GIGYF2: variants seen among roughly 807,000 people sequenced by gnomAD.
GIGYF2 encodes GRB10-interacting GYF protein 2.
Under a neutral mutation model 208.1 loss-of-function variants are expected in GIGYF2, and 25 were observed. That is an observed-to-expected ratio of 0.12 (90% CI 0.09 to 0.17). The LOEUF (loss-of-function observed/expected upper bound fraction) is 0.17, where lower values mean the gene tolerates loss of function less well. Ranked by LOEUF, GIGYF2 falls within the 10% of genes least tolerant of loss-of-function variation. The pLI, the probability that GIGYF2 is intolerant of heterozygous loss-of-function variation, is 1.00. For synonymous variants in GIGYF2, 534 were observed against 543.8 expected, an observed-to-expected ratio of 0.98 and a Z score of 0.25; for missense variants, 1,302 against 1,579.4, an observed-to-expected ratio of 0.82 and a Z score of 2.98.
chr2:232,848,922 GAATC>G (rs1690186238), intron 27 of GIGYF2, among the ~76,000 whole-genome samples: 1 of 152,150 alleles, frequency 6.6e-6, no homozygotes. Context: ...GAATCTGTGA[GAATC>G]AATTCTACAA....
chr2:232,701,985 AC>A (rs1295305768), intron 1 of GIGYF2, among the ~76,000 whole-genome samples: 1 of 151,478 alleles, frequency 6.6e-6, no homozygotes, highest in Middle Eastern at 3.2e-3. Context: ...ACAGAGAGAG[AC>A]CCCCATCTCT....
rs376657197 is a variant in GIGYF2, at chr2:232,747,566, G to T, written c.42-49G>T. On this transcript the variant is annotated intron_variant, in intron 3 of 28. Transcript: ENST00000373563. Reference sequence around the variant, plus strand: ...TTTTTGACAGTGTATAGTATAAAAAGTCTGTAGCACCAGAATGTTTGACAT... The same window carrying T: ...TTTTTGACAGTGTATAGTATAAAAATTCTGTAGCACCAGAATGTTTGACAT... 53 of 1,609,702 alleles carry T rather than the reference G, an allele frequency of 3.3e-5. No individual in the cohort carries two copies. In the African/African-American group the frequency reaches 6.8e-4, roughly 21 times the overall value.
intron 28 of GIGYF2, among the ~76,000 whole-genome samples, chr2:232,852,852 G>T (rs1459196170): frequency 6.6e-6 from 1 of 152,202 alleles, no homozygotes; most frequent in African/African-American, 2.4e-5. Flanking sequence ...AGGTCAGACC[G>T]TTTGGACTTA....
rs1690674089 is a variant in GIGYF2, at chr2:232,858,943, A to T, written c.*2083A>T. 1 of 162,998 alleles carries T rather than the reference A, an allele frequency of 6.1e-6. No individual in the cohort carries two copies. Among genetic ancestry groups the T allele is most frequent in the Admixed American group, 6.2e-5 (1 of 16,124 alleles). The allele number at this position is 162,998 out of a possible 1,614,324, so 10.1% of individuals were successfully genotyped here. ...TCCAGAGCTTGCCCACACCTTCCCA[A>T]CTAGACTCTGTGTGTGTATTCAGGA... On this transcript the variant is annotated 3_prime_UTR_variant, in exon 29 of 29. Coordinates refer to ENST00000373563, the MANE Select transcript of GIGYF2 (RefSeq NM_001103146.3).
chr2:232,820,319 T>C (rs200800356), intron 21 of GIGYF2, among the ~76,000 whole-genome samples: 50,140 of 105,374 alleles, frequency 0.48, 8,271 homozygotes, highest in East Asian at 0.5. Context: ...ATAATTTCTT[T>C]TTTTTTTTTT....
At chr2:232,711,380 C>CA (rs982184263) in intron 2 of GIGYF2, among the ~76,000 whole-genome samples, 13 of 150,894 alleles carry the variant, frequency 8.6e-5, no homozygotes, top group African/African-American at 2.9e-4. Flanking sequence ...ATCTCTTTAC[C>CA]CTCTTAAAAG....
chr2:232,707,187 TC>T (rs1696156458), intron 2 of GIGYF2, among the ~76,000 whole-genome samples: 2 of 152,206 alleles, frequency 1.3e-5, no homozygotes, highest in African/African-American at 4.8e-5. Context: ...CAATACGTTT[TC>T]TTCCTGTAGT....
intron 2 of GIGYF2, among the ~76,000 whole-genome samples, chr2:232,733,711 G>A (rs1353137524): frequency 6.6e-6 from 1 of 152,090 alleles, no homozygotes; most frequent in Non-Finnish European, 1.5e-5. Context: ...ATGTAAAATG[G>A]CATAGTGTTT....
rs544578977 is a variant in GIGYF2, at chr2:232,806,861, C to G, written c.1806+204C>G. ...AACTCGAATAACCTGTGCCCATCCT[C>G]TTCACACCCCAGCTCCTCCCCAACA... On this transcript the variant is annotated intron_variant, in intron 15 of 28. Transcript: ENST00000373563. This position sits in a 1 kb window ranked among gnomAD's most constrained non-coding sequence, Gnocchi z 4.0. 2.0e-4 allele frequency among the ~76,000 whole-genome samples: 31 copies of G among 152,336 alleles called. No individual in the cohort carries two copies. The highest frequency in any genetic ancestry group is 7.5e-4 in the African/African-American group (31 of 41,566).
Position 232,833,170 on chromosome 2 carries a change from C to T in GIGYF2, c.2766+77C>T, listed in dbSNP as rs1701476523. Reference sequence around the variant, plus strand: ...AGGTAGGTGCTGGCTGTACCAGTAGCAGTAAAACTGTTCTTTCTTTCTTTT... The same window carrying T: ...AGGTAGGTGCTGGCTGTACCAGTAGTAGTAAAACTGTTCTTTCTTTCTTTT... On this transcript the variant is annotated intron_variant, in intron 22 of 28. Transcript: ENST00000373563. The T allele has an allele frequency of 5.1e-6, 4 of 791,074 alleles. No homozygotes were observed. The Admixed American group carries it at 9.9e-5, about 20-fold the overall frequency. 49.0% of individuals were successfully genotyped at this position (791,074 alleles called of 1,614,324 possible).
intron 8 of GIGYF2, chr2:232,770,834 C>G (rs1699213789): frequency 2.7e-6 from 3 of 1,092,352 alleles, no homozygotes; most frequent in Non-Finnish European, 4.1e-6. Context: ...TATACCCTTT[C>G]CAAACACCTG....
At chr2:232,820,102 C>T in intron 21 of GIGYF2, 117 bp downstream of exon 21, 4 of 989,998 alleles carry the variant, frequency 4.0e-6, no homozygotes, top group Non-Finnish European at 6.2e-6. Context: ...TAAAAATTAA[C>T]CAAAAGAAAC....
chr2:232,765,911 A>T (rs947908643), intron 8 of GIGYF2: 3 of 448,650 alleles, frequency 6.7e-6, no homozygotes, highest in African/African-American at 4.4e-5. Flanking sequence ...GAACGTTTAA[A>T]GTTAGTTCCG....
At chr2:232,737,802 A>G (rs1697796806) in intron 3 of GIGYF2, among the ~76,000 whole-genome samples, 2 of 151,968 alleles carry the variant, frequency 1.3e-5, no homozygotes, top group South Asian at 4.2e-4. Flanking sequence ...TCAATAAGGG[A>G]TACTTAAAAA....
chr2:232,821,456 C>T (rs530246527), intron 21 of GIGYF2, among the ~76,000 whole-genome samples: 2 of 152,194 alleles, frequency 1.3e-5, no homozygotes, highest in African/African-American at 2.4e-5. Context: ...GCCTTGGCCT[C>T]CTAAAGTGTT....
chr2:232,702,165 G>A (rs939928099), intron 1 of GIGYF2, among the ~76,000 whole-genome samples: 4 of 152,100 alleles, frequency 2.6e-5, no homozygotes, highest in African/African-American at 9.7e-5. Flanking sequence ...CTGGCCGGGT[G>A]CAGTGGCTCA....
At chr2:232,717,362 C>A (rs1271145165) in intron 2 of GIGYF2, among the ~76,000 whole-genome samples, 2 of 152,028 alleles carry the variant, frequency 1.3e-5, no homozygotes, top group Admixed American at 6.6e-5. Flanking sequence ...AATACATGCA[C>A]AAATGTGAAG....
At position 232,806,019 on chromosome 2, in the gene GIGYF2, T is replaced by TA. The variant is rs1700550956; in HGVS notation, c.1640-472_1640-471insA. ...TAAAACATTTAGAGAATACTCGTTT[T>TA]TTCCCCACTACCAAGATCAGAGAGC... On this transcript the variant is annotated intron_variant, in intron 14 of 28. Transcript: ENST00000373563. The surrounding 1 kb of genome is among the most constrained non-coding windows in gnomAD (Gnocchi z 4.0). Among the ~76,000 whole-genome samples the TA allele has an allele frequency of 6.6e-6, 1 of 151,902 alleles. No homozygotes were observed. The highest frequency in any genetic ancestry group is 1.5e-5 in the Non-Finnish European group (1 of 67,966).
intron 2 of GIGYF2, among the ~76,000 whole-genome samples, chr2:232,723,932 T>C (rs1697064108): frequency 6.6e-6 from 1 of 151,308 alleles, no homozygotes; most frequent in Non-Finnish European, 1.5e-5. Context: ...GAGACGGGGT[T>C]TCTCCATGTT....
Sources: gnomAD v4.1 joint callset for allele counts (sites outside exome capture counted in the v4.1 genomes callset) on GRCh38, gnomAD v4.1.1 for gene constraint, Gnocchi (gnomAD v3.1) non-coding constraint, MANE v1.5 for transcripts, NCBI Gene and HGNC (gene_info 2026-07-23, HGNC 2026-07-21) for gene names.